The following FGF14 variants were observed in gnomAD, a reference collection of about 807,000 sequenced individuals.
FGF14 encodes fibroblast growth factor homologous factor 4.
Under a neutral mutation model 25.5 loss-of-function variants are expected in FGF14, and 5 were observed. The ratio of observed to expected loss-of-function variants is 0.20; its 90% CI spans 0.10 to 0.41. FGF14 has a LOEUF of 0.41. Ranked by LOEUF, FGF14 falls within the 10% of genes least tolerant of loss-of-function variation. The probability of loss-of-function intolerance (pLI) is 1.00; values close to 1 mark genes in which losing one functional copy is unlikely to be tolerated. For missense variants in FGF14, 222 were observed against 320.1 expected (o/e 0.69, Z 2.34); for synonymous variants, 138 against 118.3 (o/e 1.17, Z -1.08).
At chr13:102,121,897 A>T (rs1050814846) in intron 1 of FGF14, among the ~76,000 whole-genome samples, 1 of 152,222 alleles carries the variant, frequency 6.6e-6, no homozygotes, top group African/African-American at 2.4e-5. Flanking sequence ...AGAACAGTTT[A>T]GCTTTTTTGG....
intron 1 of FGF14, among the ~76,000 whole-genome samples, chr13:101,892,442 T>C (rs1414386603): frequency 6.6e-6 from 1 of 152,176 alleles, no homozygotes; most frequent in Non-Finnish European, 1.5e-5. Flanking sequence ...ACTTGATAAT[T>C]CTTTTAACAG....
intron 1 of FGF14, among the ~76,000 whole-genome samples, chr13:101,942,940 G>A (rs769632808): frequency 5.3e-5 from 8 of 152,180 alleles, no homozygotes; most frequent in Admixed American, 1.3e-4. Flanking sequence ...GAAATCAATC[G>A]GCAGAGCTAA....
chr13:102,131,034 C>CA (rs1191454547), intron 1 of FGF14, among the ~76,000 whole-genome samples: 4 of 152,182 alleles, frequency 2.6e-5, no homozygotes, highest in Admixed American at 6.5e-5. Flanking sequence ...TGTGGACAGT[C>CA]AACACACCTA....
At chr13:102,054,826 C>T (rs542552905) in intron 1 of FGF14, among the ~76,000 whole-genome samples, 1 of 152,264 alleles carries the variant, frequency 6.6e-6, no homozygotes, top group East Asian at 1.9e-4. Context: ...AGAGTTATCC[C>T]TCCTTTTATT....
At chr13:102,093,262 G>T (rs7324316) in intron 1 of FGF14, among the ~76,000 whole-genome samples, 1 of 151,794 alleles carries the variant, frequency 6.6e-6, no homozygotes, top group African/African-American at 2.4e-5. Context: ...TTGATGATTT[G>T]CTACCATAAA....
intron 1 of FGF14, among the ~76,000 whole-genome samples, chr13:101,949,158 C>T (rs1035307382): frequency 2.6e-5 from 4 of 152,146 alleles, no homozygotes; most frequent in African/African-American, 7.2e-5. Context: ...ATATGTGCCT[C>T]GGTTTTCTCT....
chr13:102,172,056 C>A (rs1441828086), intron 1 of FGF14, among the ~76,000 whole-genome samples: 4 of 151,676 alleles, frequency 2.6e-5, no homozygotes, highest in Non-Finnish European at 5.9e-5. Flanking sequence ...TCTTGAACTC[C>A]TGAGCTCACG....
intron 3 of FGF14, among the ~76,000 whole-genome samples, chr13:101,862,697 G>A (rs2044484322): frequency 6.6e-6 from 1 of 152,026 alleles, no homozygotes; most frequent in Non-Finnish European, 1.5e-5. Flanking sequence ...AATGCTGGAT[G>A]TTGAAATTAG....
chr13:102,272,197 C>A (rs1031530190), intron 1 of FGF14, among the ~76,000 whole-genome samples: 1 of 152,128 alleles, frequency 6.6e-6, no homozygotes, highest in Non-Finnish European at 1.5e-5. Context: ...AGTTCCCTCC[C>A]CATTTTCCCT....
In FGF14 at chr13:101,715,609, G is replaced by A; in HGVS notation, c.*7222C>T. 6.2e-7 allele frequency: 1 copy of A among 1,613,470 alleles called. No homozygotes were observed. The highest frequency in any genetic ancestry group is 8.5e-7 in the Non-Finnish European group (1 of 1,179,466). On this transcript the variant is annotated 3_prime_UTR_variant, in exon 5 of 5. Coordinates refer to ENST00000376143, the MANE Select transcript of FGF14 (RefSeq NM_004115.4). Reference sequence around the variant, plus strand: ...GAAACTGTGAATGCTGGGATGGATGGAATGGAAATGCATGTGAAATCTGGC... The same window carrying A: ...GAAACTGTGAATGCTGGGATGGATGAAATGGAAATGCATGTGAAATCTGGC...
At chr13:101,859,921 C>T (rs951655671) in intron 3 of FGF14, among the ~76,000 whole-genome samples, 1 of 151,944 alleles carries the variant, frequency 6.6e-6, no homozygotes, top group Non-Finnish European at 1.5e-5. Context: ...GGAAAGGAAG[C>T]GATTTATTAA....
Position 101,719,912 on chromosome 13 carries a change from G to GGT in FGF14, c.*2917_*2918dup, listed in dbSNP as rs1297650269. 2.0e-5 allele frequency: 3 copies of GGT among 152,024 alleles called. No individual in the cohort carries two copies. Among genetic ancestry groups the GGT allele is most frequent in the Non-Finnish European group, 4.4e-5 (3 of 68,006 alleles). The allele number at this position is 152,024 out of a possible 1,614,324, so 9.4% of individuals were successfully genotyped here. On this transcript the variant is annotated 3_prime_UTR_variant, in exon 5 of 5. Coordinates refer to ENST00000376143, the MANE Select transcript of FGF14 (RefSeq NM_004115.4). ...CTTATCCCAAACAAATAGCAAGAGAGGTATCATCAAAGAGCTAAAATTTTC... is the reference window on the plus strand; with the variant it reads ...CTTATCCCAAACAAATAGCAAGAGAGGTGTATCATCAAAGAGCTAAAATTTTC...
At chr13:102,059,357 T>A (rs779272067) in intron 1 of FGF14, among the ~76,000 whole-genome samples, 2 of 152,126 alleles carry the variant, frequency 1.3e-5, no homozygotes, top group Non-Finnish European at 2.9e-5. Flanking sequence ...ACTCTCACAA[T>A]GAGTGACCAC....
At chr13:101,749,352 C>T (rs2037119196) in intron 3 of FGF14, among the ~76,000 whole-genome samples, 1 of 152,014 alleles carries the variant, frequency 6.6e-6, no homozygotes, top group Non-Finnish European at 1.5e-5. Context: ...ACTATTGATA[C>T]ATGCAGCAAC....
intron 1 of FGF14, among the ~76,000 whole-genome samples, chr13:101,950,687 G>C (rs944306580): frequency 6.6e-6 from 1 of 151,528 alleles, no homozygotes; most frequent in African/African-American, 2.4e-5. Context: ...GCTCTCAGCA[G>C]GTTTTGCATT....
intron 1 of FGF14, among the ~76,000 whole-genome samples, chr13:102,174,616 T>G (rs1483836907): frequency 6.6e-6 from 1 of 152,126 alleles, no homozygotes; most frequent in Non-Finnish European, 1.5e-5. Flanking sequence ...TACAAAGCAC[T>G]GATGAAAGAA....
chr13:102,367,137 G>A (rs2057737650), intron 1 of FGF14: 2 of 152,150 alleles, frequency 1.3e-5, no homozygotes, highest in African/African-American at 4.8e-5. Flanking sequence ...AATTTCTGTG[G>A]GTCAAGAATT....
chr13:102,043,185 T>C (rs2041823857), intron 1 of FGF14, among the ~76,000 whole-genome samples: 7 of 152,164 alleles, frequency 4.6e-5, no homozygotes, highest in Admixed American at 4.6e-4. Context: ...TAAAACAACC[T>C]TGCAGGAAAA....
At chr13:102,078,322 T>C (rs1283379226) in intron 1 of FGF14, among the ~76,000 whole-genome samples, 1 of 152,180 alleles carries the variant, frequency 6.6e-6, no homozygotes, top group Admixed American at 6.5e-5. Context: ...GATGCAGATA[T>C]TAATTAGCTT....
Sources: gnomAD v4.1 joint callset for allele counts (sites outside exome capture counted in the v4.1 genomes callset) on GRCh38, gnomAD v4.1.1 for gene constraint, MANE v1.5 for transcripts, NCBI Gene and HGNC (gene_info 2026-07-23, HGNC 2026-07-21) for gene names.